The following MYBPC2 variants were observed in gnomAD, a reference collection of about 807,000 sequenced individuals.
The protein encoded by MYBPC2 is myosin-binding protein C, fast-type.
In MYBPC2, 122 loss-of-function variants were observed where a neutral mutation model predicts 137.0. The ratio of observed to expected loss-of-function variants is 0.89; its 90% CI spans 0.77 to 1.03. The LOEUF is 1.03. Ranked by LOEUF, MYBPC2 falls within the 50% of genes least tolerant of loss-of-function variation. The probability of loss-of-function intolerance (pLI) is 0.00; values close to 1 mark genes in which losing one functional copy is unlikely to be tolerated. For synonymous variants in MYBPC2, 626 were observed against 612.3 expected, an observed-to-expected ratio of 1.02 and a Z score of -0.33; for missense variants, 1,500 against 1,534.4, an observed-to-expected ratio of 0.98 and a Z score of 0.37.
chr19:50,449,000 G>A (rs923218436), intron 13 of MYBPC2, among the ~76,000 whole-genome samples: 1 of 151,930 alleles, frequency 6.6e-6, no homozygotes, highest in African/African-American at 2.4e-5. Flanking sequence ...AAAGTGCTGG[G>A]ATTACAGGTG....
In MYBPC2 at chr19:50,445,889, T is replaced by C. The variant is rs1340409737; in HGVS notation, c.1143T>C (p.Asp381=). 6.2e-7 allele frequency: 1 copy of C among 1,606,546 alleles called. No individual in the cohort carries two copies. The highest frequency in any genetic ancestry group is 1.7e-5 in the Admixed American group (1 of 58,924). ...TGTCTCACCCACCTAGGATGAAAGA[T>C]GGTGTGGAACTGACTCGGGAGGATT... ...EEGAQVMWMK[D]GVELTREDSF... is the part of the protein sequence containing the mutation. The change falls in exon 12 of 28, where the codon GAT becomes GAC. Residue 381 remains aspartate (D), a synonymous_variant. Transcript: ENST00000357701.
chr19:50,454,887 T>C (rs2039894124), intron 18 of MYBPC2, among the ~76,000 whole-genome samples: 2 of 152,150 alleles, frequency 1.3e-5, no homozygotes, highest in South Asian at 2.1e-4. Flanking sequence ...GGTTTTTCTA[T>C]GGCTCCTGGC....
At chr19:50,461,439 C>CA in intron 24 of MYBPC2, 103 bp from the exon 25 acceptor site, 1 of 1,242,134 alleles carries the variant, frequency 8.1e-7, no homozygotes, top group Non-Finnish European at 1.1e-6. Context: ...TTTTTTTAAA[C>CA]ACTGGATGTG....
At chr19:50,452,586 CTCACTCTG>C (rs1344075371) in intron 16 of MYBPC2, among the ~76,000 whole-genome samples, 3 of 150,094 alleles carry the variant, frequency 2.0e-5, no homozygotes, top group African/African-American at 7.4e-5. Context: ...AAGGTGGAAT[CTCACTCTG>C]TCACCCAGGC....
chr19:50,442,019 G>C (rs1052581583), intron 8 of MYBPC2, among the ~76,000 whole-genome samples, 162 bp from the exon 9 acceptor site: 1 of 152,134 alleles, frequency 6.6e-6, no homozygotes, highest in Non-Finnish European at 1.5e-5. Flanking sequence ...ATCACCACCA[G>C]AGAAGTTCTC....
At chr19:50,442,052 G>A in intron 8 of MYBPC2, 129 bp from the exon 9 acceptor site, 1 of 1,193,000 alleles carries the variant, frequency 8.4e-7, no homozygotes, top group East Asian at 2.6e-5. Flanking sequence ...GTTCATAGGA[G>A]GCCCCCTGAC....
chr19:50,453,196 C>T (rs2039876726), intron 16 of MYBPC2, among the ~76,000 whole-genome samples: 2 of 152,180 alleles, frequency 1.3e-5, no homozygotes, highest in African/African-American at 2.4e-5. Flanking sequence ...TTGGGTGGCA[C>T]TCCTGCATCA....
rs1210452360 is a variant in MYBPC2, at chr19:50,437,645, C to G, written c.513-14C>G. 1.2e-6 allele frequency: 2 copies of G among 1,601,358 alleles called. No homozygotes were observed. The highest frequency in any genetic ancestry group is 1.7e-6 in the Non-Finnish European group (2 of 1,173,954). ...TGAAGGGTCAAGACTCACATGCCCT[C>G]TCAATGGCCACAGGAGTGAAAAGAA... On this transcript the variant is annotated splice_polypyrimidine_tract_variant and intron_variant, in intron 6 of 27. Coordinates refer to ENST00000357701, the MANE Select transcript of MYBPC2 (RefSeq NM_004533.4).
At chr19:50,452,508 G>GTATC (rs59342187) in intron 16 of MYBPC2, among the ~76,000 whole-genome samples, 2,913 of 114,682 alleles carry the variant, frequency 0.025, 43 homozygotes, top group East Asian at 0.034. Context: ...ATGTATGTAT[G>GTATC]TATCTATCTA....
In MYBPC2 at chr19:50,443,565, C is replaced by T; in HGVS notation, c.974C>T (p.Ala325Val). 2 of 1,613,022 alleles carry T rather than the reference C, an allele frequency of 1.2e-6. No homozygotes were observed. Among genetic ancestry groups the T allele is most frequent in the Non-Finnish European group, 1.7e-6 (2 of 1,179,496 alleles). Residue 325 changes from alanine (A) to valine (V), a missense_variant, in exon 10 of 28, where the codon GCC becomes GTC. Transcript: ENST00000357701. ...AAGTGCACGCTGGCGGATGACGCTG[C>T]CTATGAAGTAGCTGTCAAGGATGAG... ...INKCTLADDAAYEVAVKDEKC... is the reference protein window; with the variant it reads ...INKCTLADDAVYEVAVKDEKC...
At position 50,458,714 on chromosome 19, in the gene MYBPC2, G is replaced by A. The variant is rs763047675; in HGVS notation, c.2466G>A (p.Pro822=). 2.5e-6 allele frequency: 4 copies of A among 1,609,374 alleles called. No individual in the cohort carries two copies. The highest frequency in any genetic ancestry group is 3.4e-6 in the Non-Finnish European group (4 of 1,179,846). Residue 822 remains proline (P), a synonymous_variant, in exon 21 of 28, where the codon CCG becomes CCA. Transcript: ENST00000357701. ...VGVNIAGRSE[P]ATLAQPVTIR... ...TCAACATCGCGGGGCGCAGCGAGCC[G>A]GCCACCCTGGCCCAGCCGGTCACCA... is the stretch of plus-strand genomic sequence containing the variant.
Position 50,435,250 on chromosome 19 carries a change from G to C in MYBPC2, c.109G>C (p.Glu37Gln), listed in dbSNP as rs1361887610. 1 of 1,228,752 alleles carries C rather than the reference G, an allele frequency of 8.1e-7. No individual in the cohort carries two copies. Among genetic ancestry groups the C allele is most frequent in the Non-Finnish European group, 1.2e-6 (1 of 842,496 alleles). The allele number at this position is 1,228,752 out of a possible 1,614,324, so 76.1% of individuals were successfully genotyped here. Residue 37 changes from glutamate (E) to glutamine (Q), a missense_variant and splice_region_variant, in exon 2 of 28, where the codon GAA becomes CAA. Transcript: ENST00000357701. The surrounding 1 kb of genome is among the most constrained non-coding windows in gnomAD (Gnocchi z 4.8). ...GGAGGCTCCTGCAGAGGCCCCCAAA[G>C]GTGAGGAGGTGCTCCCTCGGGCTCA... The part of the protein sequence containing the change: ...PKEAPAEAPK[E>Q]APPEDQSPTA...
chr19:50,440,632 C>T (rs1224391828), intron 7 of MYBPC2, among the ~76,000 whole-genome samples: 2 of 145,948 alleles, frequency 1.4e-5, no homozygotes, highest in East Asian at 2.0e-4. Context: ...CACTGCACTC[C>T]AGCCTGGGAG....
chr19:50,464,322 C>T lies in MYBPC2; in HGVS notation c.3229-24C>T, dbSNP rs369635117. ...GCCCAGGGTCTCTCTCTAAGTTGGC[C>T]TCCTCTCCCTTGACTCTCAACAGCC... On this transcript the variant is annotated intron_variant, in intron 26 of 27. Transcript: ENST00000357701. The T allele has an allele frequency of 1.7e-4, 268 of 1,582,676 alleles. 3 individuals carry two copies. In the South Asian group the frequency reaches 1.9e-3, roughly 11 times the overall value.
chr19:50,450,965 G>A, intron 14 of MYBPC2, 30 bp downstream of exon 14: 4 of 1,543,948 alleles, frequency 2.6e-6, no homozygotes, highest in Non-Finnish European at 3.5e-6. Flanking sequence ...CTTCCCTGGG[G>A]GCTGTAGGAT....
intron 19 of MYBPC2, 101 bp downstream of exon 19, chr19:50,455,397 C>T (rs986765024): frequency 1.2e-5 from 18 of 1,560,288 alleles, no homozygotes; most frequent in Non-Finnish European, 1.6e-5. Flanking sequence ...CCATCAATCT[C>T]TGACCCTACC....
chr19:50,435,012 G>GA lies in MYBPC2; in HGVS notation c.20-149_20-148insA, dbSNP rs1381182671. On this transcript the variant is annotated intron_variant, in intron 1 of 27. Transcript: ENST00000357701. This position sits in a 1 kb window ranked among gnomAD's most constrained non-coding sequence, Gnocchi z 4.8. Reference sequence around the variant, plus strand: ...CTGAGGGAGGAGGGGCTGGGGGCCTGGACTCCTGGGTCTGAGGGAGGAGGG... The same window carrying GA: ...CTGAGGGAGGAGGGGCTGGGGGCCTGAGACTCCTGGGTCTGAGGGAGGAGGG... 4 of 605,890 alleles carry GA rather than the reference G, an allele frequency of 6.6e-6. No homozygotes were observed. Among genetic ancestry groups the GA allele is most frequent in the Non-Finnish European group, 1.2e-5 (4 of 343,156 alleles). The allele number at this position is 605,890 out of a possible 1,614,324, so 37.5% of individuals were successfully genotyped here. A position where few individuals can be genotyped will look rare whatever the true frequency, so the allele number is the denominator to read the frequency against.
In MYBPC2 at chr19:50,465,447, C is replaced by T. The variant is rs1009437300; in HGVS notation, c.3416-748C>T. Reference sequence around the variant, plus strand: ...GCAGGATGACATCAATGTGGACTTCCAGAGTCCCTCCCGGATGGTGACTTC... The same window carrying T: ...GCAGGATGACATCAATGTGGACTTCTAGAGTCCCTCCCGGATGGTGACTTC... On this transcript the variant is annotated intron_variant, in intron 27 of 27. Transcript: ENST00000357701. This position sits in a 1 kb window ranked among gnomAD's most constrained non-coding sequence, Gnocchi z 4.5. 6.6e-6 allele frequency among the ~76,000 whole-genome samples: 1 copy of T among 152,196 alleles called. No individual in the cohort carries two copies. The highest frequency in any genetic ancestry group is 2.4e-5 in the African/African-American group (1 of 41,452).
chr19:50,435,379 C>CGCCTCCCG lies in MYBPC2; in HGVS notation c.109+130_109+137dup. On this transcript the variant is annotated intron_variant, in intron 2 of 27. Transcript: ENST00000357701. The surrounding 1 kb of genome is among the most constrained non-coding windows in gnomAD (Gnocchi z 4.8). ...CCCGCACAGCCCCAGGGCTGACCCACGCCTCCCGTGCTCCCAGCCCTCCCG... is the reference window on the plus strand; with the variant it reads ...CCCGCACAGCCCCAGGGCTGACCCACGCCTCCCGGCCTCCCGTGCTCCCAGCCCTCCCG... The CGCCTCCCG allele has an allele frequency of 1.5e-6, 1 of 654,508 alleles. No individual in the cohort carries two copies. Among genetic ancestry groups the CGCCTCCCG allele is most frequent in the Non-Finnish European group, 2.8e-6 (1 of 358,422 alleles). 40.5% of individuals were successfully genotyped at this position (654,508 alleles called of 1,614,324 possible).
Sources: gnomAD v4.1 joint callset for allele counts (sites outside exome capture counted in the v4.1 genomes callset) on GRCh38, gnomAD v4.1.1 for gene constraint, Gnocchi (gnomAD v3.1) non-coding constraint, MANE v1.5 for transcripts, NCBI Gene and HGNC (gene_info 2026-07-23, HGNC 2026-07-21) for gene names.